Variants in ANKRD26 observed in about 807,000 individuals in gnomAD.
The protein encoded by ANKRD26 is ankyrin repeat domain-containing protein 26.
In ANKRD26, 141 loss-of-function variants were observed where a neutral mutation model predicts 208.7. The observed-to-expected ratio is 0.68, with a 90% CI of 0.59 to 0.78. The LOEUF (loss-of-function observed/expected upper bound fraction) is 0.78. Among genes scored for constraint, ANKRD26 ranks in the 30% least tolerant of loss-of-function variants. The pLI, the probability that ANKRD26 is intolerant of heterozygous loss-of-function variation, is 0.00. For missense variants in ANKRD26, 1,889 were observed against 1,938.7 expected, an observed-to-expected ratio of 0.97 and a Z score of 0.48; for synonymous variants, 636 against 660.4, an observed-to-expected ratio of 0.96 and a Z score of 0.57.
At chr10:27,054,057 GCTAT>G in intron 15 of ANKRD26, among the ~76,000 whole-genome samples, 1 of 152,036 alleles carries the variant, frequency 6.6e-6, no homozygotes, top group South Asian at 2.1e-4. Context: ...CTCGATTAGA[GCTAT>G]CTTCCCCCAG....
At chr10:27,091,240 C>T (rs2056289907) in intron 4 of ANKRD26, among the ~76,000 whole-genome samples, 1 of 152,132 alleles carries the variant, frequency 6.6e-6, no homozygotes, top group Non-Finnish European at 1.5e-5. Flanking sequence ...TTAGTATCCC[C>T]CTTTTTATAT....
intron 24 of ANKRD26, among the ~76,000 whole-genome samples, chr10:27,034,305 A>C (rs2053974089): frequency 6.6e-6 from 1 of 152,226 alleles, no homozygotes; most frequent in Non-Finnish European, 1.5e-5. Flanking sequence ...GAAATATATA[A>C]AAAGCTACTG....
chr10:27,079,480 G>T (rs2055824302), intron 6 of ANKRD26, among the ~76,000 whole-genome samples: 1 of 152,182 alleles, frequency 6.6e-6, no homozygotes, highest in Admixed American at 6.5e-5. Context: ...TTCACAAATT[G>T]TCCCGAAGGC....
At chr10:26,995,985 T>C (rs2052584217) in intron 4 of ANKRD26, among the ~76,000 whole-genome samples, 1 of 152,172 alleles carries the variant, frequency 6.6e-6, no homozygotes, top group South Asian at 2.1e-4. Context: ...TGCCATTCTC[T>C]CCAGGTGAAG....
chr10:27,058,988 C>T (rs1166965010), intron 15 of ANKRD26, among the ~76,000 whole-genome samples: 1 of 151,388 alleles, frequency 6.6e-6, no homozygotes, highest in African/African-American at 2.4e-5. Flanking sequence ...AATCTTGGCT[C>T]ACTGCAAACT....
At chr10:27,062,147 T>G in intron 12 of ANKRD26, 19 of 985,328 alleles carry the variant, frequency 1.9e-5, no homozygotes, top group Non-Finnish European at 2.3e-5. Context: ...GTGGTCTTGA[T>G]TCTTCCCATT....
Position 27,067,330 on chromosome 10 carries a change from CTGTATT to C in ANKRD26, c.1078-50_1078-45del, listed in dbSNP as rs758160924. On this transcript the variant is annotated intron_variant, in intron 9 of 33. Transcript: ENST00000376087. ...AACAAACAAAAAACTTCAGAAAACA[CTGTATT>C]TATTCACTTACCCATTCAATCACTG... 5 of 1,597,270 alleles carry C rather than the reference CTGTATT, an allele frequency of 3.1e-6. No individual in the cohort carries two copies. In the East Asian group the frequency reaches 1.1e-4, roughly 36 times the overall value.
At chr10:27,082,379 T>A (rs2055952901) in intron 6 of ANKRD26, among the ~76,000 whole-genome samples, 1 of 152,206 alleles carries the variant, frequency 6.6e-6, no homozygotes, top group African/African-American at 2.4e-5. Flanking sequence ...TAATTACCAC[T>A]GCAATTATCA....
At position 27,035,404 on chromosome 10, in the gene ANKRD26, C is replaced by T. The variant is rs2135190201; in HGVS notation, c.3046G>A (p.Ala1016Thr). Residue 1016 changes from alanine (A) to threonine (T), a missense_variant, in exon 24 of 34, where the codon GCT becomes ACT. Coordinates refer to ENST00000376087, the MANE Select transcript of ANKRD26 (RefSeq NM_014915.3). Reference sequence around the variant, plus strand: ...TCACTTTGATCACGATCATGTATAGCAGCAGCCAATCTAGAATGGTATGAT... The same window carrying T: ...TCACTTTGATCACGATCATGTATAGTAGCAGCCAATCTAGAATGGTATGAT... ...VESYHSRLAA[A>T]IHDRDQSETS... 3.1e-6 allele frequency: 5 copies of T among 1,613,974 alleles called. No homozygotes were observed. Among genetic ancestry groups the T allele is most frequent in the Non-Finnish European group, 4.2e-6 (5 of 1,179,922 alleles).
At chr10:27,019,681 G>A (rs1158288416) in intron 29 of ANKRD26, among the ~76,000 whole-genome samples, 2 of 152,066 alleles carry the variant, frequency 1.3e-5, no homozygotes, top group Non-Finnish European at 2.9e-5. Flanking sequence ...CTTTCTCCTG[G>A]CTATCTGCTT....
chr10:27,081,233 G>A (rs1380648311), intron 6 of ANKRD26, among the ~76,000 whole-genome samples: 2 of 152,018 alleles, frequency 1.3e-5, no homozygotes, highest in African/African-American at 2.4e-5. Flanking sequence ...CAAACATCCT[G>A]TATCCTTCAT....
Position 27,040,030 on chromosome 10 carries a change from T to G in ANKRD26, c.2310A>C (p.Thr770=). 1.2e-6 allele frequency: 2 copies of G among 1,613,846 alleles called. No homozygotes were observed. The highest frequency in any genetic ancestry group is 8.5e-7 in the Non-Finnish European group (1 of 1,179,914). ...GCTCTAACTGTGATTTTATTTCTTT[T>G]GTTTCAGATAGCTCCCTTTGTAGTA... ...VNVLQRELSE[T]KEIKSQLEHQ... is the part of the protein sequence containing the mutation. The change falls in exon 21 of 34, where the codon ACA becomes ACC. Residue 770 remains threonine (T), a synonymous_variant. Coordinates refer to ENST00000376087, the MANE Select transcript of ANKRD26 (RefSeq NM_014915.3).
At chr10:27,029,225 C>G (rs1441530783) in intron 26 of ANKRD26, 61 bp downstream of exon 26, 1 of 1,521,874 alleles carries the variant, frequency 6.6e-7, no homozygotes, top group Non-Finnish European at 9.0e-7. Flanking sequence ...AATTCTCATA[C>G]TACACTGCTT....
Position 27,077,420 on chromosome 10 carries a change from C to T in ANKRD26, c.995G>A (p.Cys332Tyr). The T allele has an allele frequency of 2.5e-6, 4 of 1,614,004 alleles. No homozygotes were observed. Among genetic ancestry groups the T allele is most frequent in the Non-Finnish European group, 3.4e-6 (4 of 1,179,934 alleles). ...TGATTGATAGGTAGGATGAGAAAAG[C>T]ACTGGACTTTGATTGATGTTGTAGG... ...SLPTTSIKVQ[C>Y]FSHPTYQSPD... Residue 332 changes from cysteine (C) to tyrosine (Y), a missense_variant, in exon 9 of 34, where the codon TGC (cysteine) becomes TAC (tyrosine). By Grantham distance (194) the Cys-to-Tyr change is radical. This residue lies in a region of ANKRD26 where 1,272 missense variants were observed against 1,273.8 expected (regional missense o/e 1.00). Coordinates refer to ENST00000376087, the MANE Select transcript of ANKRD26 (RefSeq NM_014915.3).
chr10:27,029,077 C>T (rs2053776325), intron 26 of ANKRD26, 132 bp from the exon 27 acceptor site: 2 of 999,140 alleles, frequency 2.0e-6, no homozygotes, highest in Non-Finnish European at 2.9e-6. Flanking sequence ...TTTGGCAACT[C>T]TATCGTTTTT....
intron 7 of ANKRD26, among the ~76,000 whole-genome samples, chr10:27,078,726 A>C (rs1365433136): frequency 6.6e-6 from 1 of 152,134 alleles, no homozygotes; most frequent in Non-Finnish European, 1.5e-5. Flanking sequence ...AAATGGAAAA[A>C]GATTTTAAAA....
rs1206979761 is a variant in ANKRD26 at position 27,014,604 on chromosome 10, G to A, written c.4614C>T (p.Ser1538=). Residue 1538 remains serine (S), a synonymous_variant, in exon 31 of 34, where the codon TCC becomes TCT. Coordinates refer to ENST00000376087, the MANE Select transcript of ANKRD26 (RefSeq NM_014915.3). The stretch of plus-strand genomic sequence containing the variant: ...AGTCTTCTTGAGAAGTTTTTATTTT[G>A]GAGAGTTCAGATTCCAGATCTTTAA... The part of the protein sequence containing the change: ...LRIKDLESEL[S]KIKTSQEDFN... The A allele has an allele frequency of 6.7e-7, 1 of 1,493,958 alleles. No homozygotes were observed. The highest frequency in any genetic ancestry group is 1.4e-5 in the African/African-American group (1 of 70,286). 92.5% of individuals were successfully genotyped at this position (1,493,958 alleles called of 1,614,324 possible). A position where few individuals can be genotyped will look rare whatever the true frequency, so the allele number is the denominator to read the frequency against.
chr10:27,082,578 T>G (rs1235505901), intron 6 of ANKRD26, among the ~76,000 whole-genome samples: 3 of 152,122 alleles, frequency 2.0e-5, no homozygotes, highest in African/African-American at 7.2e-5. Context: ...AGGCTGATGG[T>G]CAAATCATGG....
chr10:27,005,724 C>T lies in ANKRD26; in HGVS notation c.5000-1G>A, dbSNP rs1384975465. Reference sequence around the variant, plus strand: ...GATCCAGATTCCAATTCAGCAGCAGCTAGAATGAAAAAGAAAGAATTATAT... The same window carrying T: ...GATCCAGATTCCAATTCAGCAGCAGTTAGAATGAAAAAGAAAGAATTATAT... On this transcript the variant is annotated splice_acceptor_variant, in intron 33 of 33. Transcript: ENST00000376087. LOFTEE classifies it high-confidence loss of function. 1.9e-6 allele frequency: 3 copies of T among 1,604,524 alleles called. No homozygotes were observed. The highest frequency in any genetic ancestry group is 2.6e-6 in the Non-Finnish European group (3 of 1,176,084).
Sources: gnomAD v4.1 joint callset for allele counts (sites outside exome capture counted in the v4.1 genomes callset) on GRCh38, gnomAD v4.1.1 for gene constraint, gnomAD v4.1.1 regional missense constraint, MANE v1.5 for transcripts, NCBI Gene and HGNC (gene_info 2026-07-23, HGNC 2026-07-21) for gene names.